TMEM87A: variants seen among roughly 807,000 people sequenced by gnomAD.
TMEM87A encodes Golgi-pH regulating cation channel.
In TMEM87A, 50 loss-of-function variants were observed where a neutral mutation model predicts 90.0. That is an observed-to-expected ratio of 0.56 (90% CI 0.44 to 0.70). The LOEUF is 0.70. TMEM87A is among the 30% of genes least tolerant of loss of function. The pLI, the probability that TMEM87A is intolerant of heterozygous loss-of-function variation, is 0.00. For synonymous variants in TMEM87A, 226 were observed against 226.7 expected (o/e 1.00, Z 0.03); for missense variants, 577 against 660.5 (o/e 0.87, Z 1.39).
At chr15:42,222,072 T>C (rs1208304860) in intron 15 of TMEM87A, among the ~76,000 whole-genome samples, 1 of 147,370 alleles carries the variant, frequency 6.8e-6, no homozygotes, top group Non-Finnish European at 1.5e-5. Context: ...TTTTTGGTTG[T>C]TTTTTTTGAG....
chr15:42,250,875 C>T (rs909154055), intron 6 of TMEM87A, among the ~76,000 whole-genome samples: 1 of 152,118 alleles, frequency 6.6e-6, no homozygotes, highest in Non-Finnish European at 1.5e-5. Flanking sequence ...TCAGGTATAC[C>T]AATCAGATGT....
intron 2 of TMEM87A, among the ~76,000 whole-genome samples, chr15:42,270,301 C>A (rs1423176733): frequency 6.6e-6 from 1 of 151,742 alleles, no homozygotes; most frequent in African/African-American, 2.4e-5. Context: ...ACCCAGGAAG[C>A]AGAGGTTACA....
chr15:42,228,625 T>C, intron 13 of TMEM87A, 87 bp downstream of exon 13: 1 of 1,101,360 alleles, frequency 9.1e-7, no homozygotes, highest in Non-Finnish European at 1.4e-6. Context: ...TACAAAACTT[T>C]CTATGTCCAC....
chr15:42,227,675 GACAGT>G (rs1406305144), intron 14 of TMEM87A, 31 bp downstream of exon 14: 2 of 1,578,560 alleles, frequency 1.3e-6, no homozygotes, highest in South Asian at 1.1e-5. Flanking sequence ...TTGTTTATAA[GACAGT>G]ACATTATTCA....
Position 42,218,192 on chromosome 15 carries a change from G to C in TMEM87A, c.1595+131C>G, listed in dbSNP as rs1417081146. 4.3e-6 allele frequency: 4 copies of C among 935,520 alleles called. No individual in the cohort carries two copies. In the African/African-American group the frequency reaches 6.7e-5, roughly 16 times the overall value. 58.0% of individuals were successfully genotyped at this position (935,520 alleles called of 1,614,324 possible). On this transcript the variant is annotated intron_variant, in intron 18 of 19. Coordinates refer to ENST00000389834, the MANE Select transcript of TMEM87A (RefSeq NM_015497.5). ...ATAAACCCAATTAATTTTGTTTGCG[G>C]ATTATTCCTATTCTTTTAATTATTT...
chr15:42,264,775 G>T (rs188135323), intron 3 of TMEM87A, among the ~76,000 whole-genome samples: 1 of 149,444 alleles, frequency 6.7e-6, no homozygotes, highest in African/African-American at 2.5e-5. Flanking sequence ...AACTCACAGG[G>T]AACTGTTTTA....
At chr15:42,263,145 T>A (rs1050073483) in intron 4 of TMEM87A, among the ~76,000 whole-genome samples, 1 of 152,188 alleles carries the variant, frequency 6.6e-6, no homozygotes, top group East Asian at 1.9e-4. Flanking sequence ...AAATGTGACG[T>A]TTTAAATGTC....
rs529635264 is a variant in TMEM87A, at chr15:42,248,452, G to A, written c.505-4285C>T. 3.3e-5 allele frequency among the ~76,000 whole-genome samples: 5 copies of A among 152,230 alleles called. No individual in the cohort carries two copies. In the South Asian group the frequency reaches 6.2e-4, roughly 19 times the overall value. ...AATAGCTCTTATTATTTTGACATAC[G>A]TTCCATCAATACTTAGTTTATTGAG... On this transcript the variant is annotated intron_variant, in intron 6 of 19. Coordinates refer to ENST00000389834, the MANE Select transcript of TMEM87A (RefSeq NM_015497.5).
chr15:42,239,421 G>A (rs2140945252), intron 8 of TMEM87A, among the ~76,000 whole-genome samples: 1 of 152,296 alleles, frequency 6.6e-6, no homozygotes, highest in East Asian at 1.9e-4. Context: ...GAGAGAATGT[G>A]AGATGATCTT....
chr15:42,258,476 G>C (rs933740082), intron 6 of TMEM87A: 7 of 474,954 alleles, frequency 1.5e-5, no homozygotes, highest in Non-Finnish European at 1.9e-5. Flanking sequence ...GCCCAGGCTG[G>C]AGTGCAGTAG....
intron 17 of TMEM87A, 104 bp from the exon 18 acceptor site, chr15:42,218,482 T>C: frequency 1.9e-6 from 2 of 1,063,356 alleles, no homozygotes; most frequent in Non-Finnish European, 2.7e-6. Context: ...TCTGTAGTCA[T>C]ACATTCACAA....
At chr15:42,254,222 G>A (rs2051136487) in intron 6 of TMEM87A, among the ~76,000 whole-genome samples, 1 of 152,130 alleles carries the variant, frequency 6.6e-6, no homozygotes, top group South Asian at 2.1e-4. Context: ...TATTGATGCT[G>A]TCAGACAGAC....
In TMEM87A at chr15:42,224,174, G is replaced by C. The variant is rs990532185; in HGVS notation, c.1403+2632C>G. ...AGGGGCTTTGGGCCATGCCATATCA[G>C]CTCTGACCTCCAGAGGAAATGGTAT... On this transcript the variant is annotated intron_variant, in intron 15 of 19. Transcript: ENST00000389834. Among the ~76,000 whole-genome samples the C allele has an allele frequency of 2.6e-5, 4 of 152,170 alleles. No individual in the cohort carries two copies. In the East Asian group the frequency reaches 7.7e-4, roughly 29 times the overall value.
At chr15:42,262,749 T>C (rs1015999600) in intron 4 of TMEM87A, among the ~76,000 whole-genome samples, 1 of 152,224 alleles carries the variant, frequency 6.6e-6, no homozygotes, top group Non-Finnish European at 1.5e-5. Flanking sequence ...GTCTTCTTAA[T>C]AATAAACTTT....
chr15:42,264,173 G>C lies in TMEM87A; in HGVS notation c.322C>G (p.Leu108Val), dbSNP rs1468968041. 6.2e-7 allele frequency: 1 copy of C among 1,613,542 alleles called. No individual in the cohort carries two copies. The highest frequency in any genetic ancestry group is 8.5e-7 in the Non-Finnish European group (1 of 1,179,782). ...CCAGACAAGCCTCTTTTTTCCTTAA[G>C]TTTTTCCAAATACAACTCTACTTCT... ...AEEVELYLEK[L>V]KEKRGLSGKY... Residue 108 changes from leucine (L) to valine (V), a missense_variant, in exon 4 of 20, where the codon CTT (leucine) becomes GTT (valine). Leu to Val is a conservative substitution (Grantham distance 32, BLOSUM62 1). Transcript: ENST00000389834.
chr15:42,227,918 A>G (rs1273636757), intron 13 of TMEM87A, 149 bp from the exon 14 acceptor site: 3 of 680,282 alleles, frequency 4.4e-6, no homozygotes, highest in Non-Finnish European at 7.9e-6. Flanking sequence ...AATGTATTCA[A>G]TACAAAAGGA....
In TMEM87A at chr15:42,264,668, T is replaced by G. The variant is rs183798048; in HGVS notation, c.292-465A>C. Among the ~76,000 whole-genome samples, 28 of 125,174 alleles carry G rather than the reference T, an allele frequency of 2.2e-4. No homozygotes were observed. The East Asian group carries it at 6.4e-3, about 29-fold the overall frequency. 82.1% of individuals were successfully genotyped at this position (125,174 alleles called of 152,430 possible). A position where few individuals can be genotyped will look rare whatever the true frequency, so the allele number is the denominator to read the frequency against. On this transcript the variant is annotated intron_variant, in intron 3 of 19. Coordinates refer to ENST00000389834, the MANE Select transcript of TMEM87A (RefSeq NM_015497.5). The stretch of plus-strand genomic sequence containing the variant: ...AGGTCTGAAAAATTCAACTCAGAAC[T>G]ATATATATGTGTGTGTATATATATA...
chr15:42,260,753 T>C (rs905399282), intron 6 of TMEM87A, among the ~76,000 whole-genome samples: 6 of 152,196 alleles, frequency 3.9e-5, no homozygotes, highest in Non-Finnish European at 7.4e-5. Context: ...ATGTGTACAG[T>C]AGAAAATTCA....
intron 3 of TMEM87A, among the ~76,000 whole-genome samples, chr15:42,264,902 T>C (rs957219393): frequency 1.3e-5 from 2 of 151,972 alleles, no homozygotes; most frequent in Non-Finnish European, 1.5e-5. Context: ...CCCCTCTTTG[T>C]GATCATGTGT....
Sources: allele counts gnomAD v4.1 joint callset (sites outside exome capture counted in the v4.1 genomes callset), GRCh38; gene constraint gnomAD v4.1.1; transcripts MANE v1.5; gene names NCBI Gene and HGNC (gene_info 2026-07-23, HGNC 2026-07-21).